Variants in UBE2E2 observed in about 807,000 individuals in gnomAD.
The protein encoded by UBE2E2 is ubiquitin conjugating enzyme E2 E2.
Under a neutral mutation model 24.7 loss-of-function variants are expected in UBE2E2, and 6 were observed. The observed-to-expected ratio is 0.24, with a 90% CI of 0.13 to 0.48. The LOEUF is 0.48. Ranked by LOEUF, UBE2E2 falls within the 20% of genes least tolerant of loss-of-function variation. The probability of loss-of-function intolerance (pLI) is 0.99; values close to 1 mark genes in which losing one functional copy is unlikely to be tolerated. For synonymous variants in UBE2E2, 104 were observed against 83.6 expected (o/e 1.24, Z -1.33); for missense variants, 169 against 245.0 (o/e 0.69, Z 2.07).
chr3:23,416,859 T>C (rs1209127194), intron 3 of UBE2E2, among the ~76,000 whole-genome samples: 2 of 152,198 alleles, frequency 1.3e-5, no homozygotes, highest in Non-Finnish European at 2.9e-5. Flanking sequence ...GATACTTGTG[T>C]ATGCTCCACG....
chr3:23,236,972 TC>T (rs1697129735), intron 3 of UBE2E2, among the ~76,000 whole-genome samples: 1 of 152,182 alleles, frequency 6.6e-6, no homozygotes, highest in South Asian at 2.1e-4. Flanking sequence ...AATTTTCTCT[TC>T]CCAGCGCACC....
chr3:23,590,642 G>A lies in UBE2E2; in HGVS notation c.*811G>A, dbSNP rs2125525044. 1 of 152,628 alleles carries A rather than the reference G, an allele frequency of 6.6e-6. No individual in the cohort carries two copies. The highest frequency in any genetic ancestry group is 1.9e-4 in the East Asian group (1 of 5,180). The allele number at this position is 152,628 out of a possible 1,614,324, so 9.5% of individuals were successfully genotyped here. On this transcript the variant is annotated 3_prime_UTR_variant, in exon 6 of 6. Coordinates refer to ENST00000396703, the MANE Select transcript of UBE2E2 (RefSeq NM_152653.4). ...ACCGCTGTAGCCCTACGTGCAGTGA[G>A]GCTTGTCTAATTCAATTACAGGTTC...
intron 3 of UBE2E2, among the ~76,000 whole-genome samples, chr3:23,498,859 G>A (rs1699661443): frequency 6.6e-6 from 1 of 152,076 alleles, no homozygotes; most frequent in African/African-American, 2.4e-5. Context: ...CTCGACTCAT[G>A]TGGGCCATAT....
At chr3:23,448,203 C>G (rs529863407) in intron 3 of UBE2E2, among the ~76,000 whole-genome samples, 3 of 152,114 alleles carry the variant, frequency 2.0e-5, no homozygotes, top group African/African-American at 7.2e-5. Context: ...TTAGTGACCC[C>G]GTAATCTTTT....
At chr3:23,551,140 A>G (rs569083388) in intron 5 of UBE2E2, among the ~76,000 whole-genome samples, 43 of 152,230 alleles carry the variant, frequency 2.8e-4, no homozygotes, top group Non-Finnish European at 6.0e-4. Context: ...ACAAATTCCA[A>G]CACTCAACAA....
chr3:23,435,061 G>A (rs1050152688), intron 3 of UBE2E2, among the ~76,000 whole-genome samples: 2 of 152,192 alleles, frequency 1.3e-5, no homozygotes, highest in Admixed American at 1.3e-4. Flanking sequence ...TTTTCTTAGT[G>A]GCTGAAATTA....
intron 3 of UBE2E2, among the ~76,000 whole-genome samples, chr3:23,246,946 C>T (rs1697426457): frequency 6.6e-6 from 1 of 152,034 alleles, no homozygotes; most frequent in Non-Finnish European, 1.5e-5. Flanking sequence ...GTCTCCTGAG[C>T]TCAAGGGTTC....
chr3:23,274,621 C>T (rs1000761624), intron 3 of UBE2E2, among the ~76,000 whole-genome samples: 9 of 152,116 alleles, frequency 5.9e-5, no homozygotes, highest in Admixed American at 6.5e-5. Flanking sequence ...CTCAGAGGCA[C>T]CTCCCAAAGT....
At chr3:23,477,888 TAATGGTTTTATAA>T (rs1699173643) in intron 3 of UBE2E2, among the ~76,000 whole-genome samples, 1 of 152,180 alleles carries the variant, frequency 6.6e-6, no homozygotes, top group African/African-American at 2.4e-5. Context: ...TCACAAGATC[TAATGGTTTTATAA>T]GGCGCTTTTC....
chr3:23,412,049 A>G (rs1416600401), intron 3 of UBE2E2, among the ~76,000 whole-genome samples: 1 of 152,164 alleles, frequency 6.6e-6, no homozygotes, highest in Non-Finnish European at 1.5e-5. Context: ...ATTCTTGTGC[A>G]AGCAACACTT....
intron 3 of UBE2E2, among the ~76,000 whole-genome samples, chr3:23,311,010 C>T (rs1694370249): frequency 6.6e-6 from 1 of 152,100 alleles, no homozygotes; most frequent in South Asian, 2.1e-4. Context: ...CTCCCTCCTG[C>T]CGCCACCCCA....
intron 3 of UBE2E2, among the ~76,000 whole-genome samples, chr3:23,462,862 C>G (rs1394126306): frequency 6.6e-6 from 1 of 152,040 alleles, no homozygotes; most frequent in Non-Finnish European, 1.5e-5. Context: ...TGGCTTTGGG[C>G]AAGTTAGTTA....
intron 3 of UBE2E2, among the ~76,000 whole-genome samples, chr3:23,332,215 G>A (rs914986489): frequency 1.1e-4 from 16 of 151,868 alleles, no homozygotes; most frequent in African/African-American, 1.7e-4. Flanking sequence ...GCATGATGTC[G>A]GATCGCTGCA....
intron 3 of UBE2E2, among the ~76,000 whole-genome samples, chr3:23,398,751 G>GT (rs1446027796): frequency 6.6e-6 from 1 of 152,134 alleles, no homozygotes; most frequent in Non-Finnish European, 1.5e-5. Flanking sequence ...GGAAGACAGG[G>GT]TTTTATAGCA....
At chr3:23,302,947 C>G (rs1482957403) in intron 3 of UBE2E2, among the ~76,000 whole-genome samples, 10 of 152,166 alleles carry the variant, frequency 6.6e-5, no homozygotes, top group African/African-American at 2.4e-4. Context: ...AACCAGGGGT[C>G]CCCAGTTCCC....
intron 5 of UBE2E2, among the ~76,000 whole-genome samples, chr3:23,559,947 G>A (rs533202134): frequency 8.5e-5 from 13 of 152,062 alleles, no homozygotes; most frequent in Non-Finnish European, 1.8e-4. Context: ...CACATAGTGG[G>A]TGTGCTCTTT....
At chr3:23,480,534 GCCCT>G in intron 3 of UBE2E2, among the ~76,000 whole-genome samples, 1 of 151,912 alleles carries the variant, frequency 6.6e-6, no homozygotes, top group Non-Finnish European at 1.5e-5. Context: ...GGAGGGTGCA[GCCCT>G]CGCTGCGCCT....
chr3:23,445,606 C>G (rs1024662383), intron 3 of UBE2E2, among the ~76,000 whole-genome samples: 11 of 152,316 alleles, frequency 7.2e-5, no homozygotes, highest in South Asian at 2.1e-4. Context: ...TTGGCTAGAT[C>G]GGAAATCCTT....
intron 5 of UBE2E2, among the ~76,000 whole-genome samples, chr3:23,564,827 T>C (rs1038716407): frequency 3.3e-5 from 5 of 152,186 alleles, no homozygotes; most frequent in Admixed American, 6.6e-5. Context: ...TAGTGTAATA[T>C]AAATGTTGAA....
Sources: gnomAD v4.1 joint callset for allele counts (sites outside exome capture counted in the v4.1 genomes callset) on GRCh38, gnomAD v4.1.1 for gene constraint, MANE v1.5 for transcripts, NCBI Gene and HGNC (gene_info 2026-07-23, HGNC 2026-07-21) for gene names.